The following NBEA variants were observed in gnomAD, a reference collection of about 807,000 sequenced individuals.
NBEA encodes the protein lysosomal-trafficking regulator 2.
Under a neutral mutation model 343.4 loss-of-function variants are expected in NBEA, and 44 were observed. The ratio of observed to expected loss-of-function variants is 0.13; its 90% CI spans 0.10 to 0.16. The LOEUF (loss-of-function observed/expected upper bound fraction) is 0.16, where lower values mean the gene tolerates loss of function less well. Ranked by LOEUF, NBEA falls within the 10% of genes least tolerant of loss-of-function variation. The pLI is 1.00. For synonymous variants in NBEA, 1,175 were observed against 1,238.7 expected (o/e 0.95, Z 1.08); for missense variants, 2,555 against 3,631.3 (o/e 0.70, Z 7.62).
At chr13:35,353,309 C>T (rs929176843) in intron 38 of NBEA, among the ~76,000 whole-genome samples, 2 of 152,098 alleles carry the variant, frequency 1.3e-5, no homozygotes, top group Non-Finnish European at 2.9e-5. Context: ...GTGGCGGGCA[C>T]CTGTAATCCT....
At chr13:35,463,422 A>T (rs182853688) in intron 40 of NBEA, among the ~76,000 whole-genome samples, 82 of 152,248 alleles carry the variant, frequency 5.4e-4, no homozygotes, top group Admixed American at 4.8e-3. Flanking sequence ...CAGGAGTTCG[A>T]GATCAGCCTG....
intron 48 of NBEA, among the ~76,000 whole-genome samples, chr13:35,615,539 C>T (rs1247065699): frequency 2.0e-5 from 3 of 152,074 alleles, no homozygotes; most frequent in Admixed American, 2.0e-4. Flanking sequence ...GAGACAGGGT[C>T]TCACCATGTT....
chr13:34,981,516 A>C (rs1035597477), intron 1 of NBEA, among the ~76,000 whole-genome samples: 2 of 152,192 alleles, frequency 1.3e-5, no homozygotes, highest in Admixed American at 6.5e-5. Context: ...TGTTATAAAC[A>C]ATCTTGCATT....
intron 31 of NBEA, among the ~76,000 whole-genome samples, chr13:35,197,220 A>T (rs1456328008): frequency 2.0e-5 from 3 of 152,178 alleles, no homozygotes; most frequent in Admixed American, 6.5e-5. Flanking sequence ...GAAAAATGTG[A>T]TGGCTTACCT....
At chr13:35,508,569 A>G (rs1249423717) in intron 41 of NBEA, among the ~76,000 whole-genome samples, 1 of 152,154 alleles carries the variant, frequency 6.6e-6, no homozygotes, top group Non-Finnish European at 1.5e-5. Flanking sequence ...ACATTTGTGA[A>G]CTGACTGGAT....
At chr13:35,181,432 A>C (rs769209271) in intron 28 of NBEA, among the ~76,000 whole-genome samples, 41 of 149,996 alleles carry the variant, frequency 2.7e-4, no homozygotes, top group Middle Eastern at 7.0e-3. Flanking sequence ...AGCATTTTTC[A>C]TATATTTGTT....
intron 1 of NBEA, among the ~76,000 whole-genome samples, chr13:35,022,419 T>A (rs1168141349): frequency 1.3e-5 from 2 of 152,100 alleles, no homozygotes; most frequent in Admixed American, 1.3e-4. Flanking sequence ...ATTGCCAATA[T>A]GAATTACTTG....
chr13:35,202,033 A>G (rs2073057154), intron 31 of NBEA, among the ~76,000 whole-genome samples: 1 of 152,152 alleles, frequency 6.6e-6, no homozygotes, highest in African/African-American at 2.4e-5. Flanking sequence ...TTAGTTTGGA[A>G]TAGAAAGTCC....
intron 17 of NBEA, among the ~76,000 whole-genome samples, chr13:35,134,913 A>G (rs1555314532): frequency 1.3e-5 from 2 of 152,070 alleles, no homozygotes; most frequent in Non-Finnish European, 2.9e-5. Flanking sequence ...TATAATAATT[A>G]TAAGAAAAAT....
chr13:35,219,740 TGAA>T (rs2074258881), intron 33 of NBEA, among the ~76,000 whole-genome samples: 1 of 152,070 alleles, frequency 6.6e-6, no homozygotes, highest in South Asian at 2.1e-4. Context: ...GGCTCAAGAC[TGAA>T]GAAGAGCCGA....
At chr13:35,351,592 A>C (rs1292778087) in intron 37 of NBEA, among the ~76,000 whole-genome samples, 2 of 151,990 alleles carry the variant, frequency 1.3e-5, no homozygotes, top group Non-Finnish European at 1.5e-5. Context: ...TGGAGGGATC[A>C]TAGAAAAAAA....
intron 1 of NBEA, among the ~76,000 whole-genome samples, chr13:35,035,758 A>G (rs1391980711): frequency 6.6e-6 from 1 of 152,030 alleles, no homozygotes; most frequent in Non-Finnish European, 1.5e-5. Context: ...TTATCTTTAT[A>G]TAGTGACCTT....
At chr13:35,184,098 G>A (rs1477942160) in intron 30 of NBEA, 27 bp downstream of exon 30, 3 of 1,487,230 alleles carry the variant, frequency 2.0e-6, no homozygotes, top group Non-Finnish European at 1.9e-6. Flanking sequence ...CTCCTGACCT[G>A]TTTGGGTATT....
intron 10 of NBEA, among the ~76,000 whole-genome samples, chr13:35,081,761 TTTTTC>T (rs1030095969): frequency 1.9e-4 from 29 of 152,272 alleles, no homozygotes; most frequent in African/African-American, 7.0e-4. Context: ...TAAGAGTATT[TTTTTC>T]TTTTCTTCAA....
At chr13:35,483,287 A>G (rs1406793303) in intron 41 of NBEA, among the ~76,000 whole-genome samples, 2 of 151,954 alleles carry the variant, frequency 1.3e-5, no homozygotes, top group East Asian at 3.9e-4. Context: ...TGGGTTTCTC[A>G]TATAAGTTAG....
At chr13:35,441,418 T>C (rs551374363) in intron 39 of NBEA, among the ~76,000 whole-genome samples, 4 of 152,158 alleles carry the variant, frequency 2.6e-5, no homozygotes, top group African/African-American at 9.7e-5. Context: ...AAAACCACCA[T>C]TCATTTTTGG....
intron 27 of NBEA, among the ~76,000 whole-genome samples, chr13:35,174,858 T>C (rs1031759937): frequency 6.6e-6 from 1 of 151,686 alleles, no homozygotes; most frequent in Non-Finnish European, 1.5e-5. Flanking sequence ...AGTGGCATGA[T>C]CTCGGCTCAC....
At chr13:35,433,241 C>G (rs958405116) in intron 39 of NBEA, among the ~76,000 whole-genome samples, 14 of 152,072 alleles carry the variant, frequency 9.2e-5, no homozygotes, top group Non-Finnish European at 1.9e-4. Flanking sequence ...TTTTTAAATG[C>G]TGTAACAAGT....
intron 34 of NBEA, among the ~76,000 whole-genome samples, chr13:35,267,667 C>T (rs2033796402): frequency 6.6e-6 from 1 of 150,718 alleles, no homozygotes. Context: ...CAAAAAAAAA[C>T]TCAAAAAAGC....
Sources: gnomAD v4.1 joint callset for allele counts (sites outside exome capture counted in the v4.1 genomes callset) on GRCh38, gnomAD v4.1.1 for gene constraint, MANE v1.5 for transcripts, NCBI Gene and HGNC (gene_info 2026-07-23, HGNC 2026-07-21) for gene names.